SIL1: variants seen among roughly 807,000 people sequenced by gnomAD.
SIL1 encodes the protein SIL1 nucleotide exchange factor.
A neutral mutation model predicts 49.1 loss-of-function variants in SIL1; 40 were observed. The ratio of observed to expected loss-of-function variants is 0.81; its 90% CI spans 0.63 to 1.06. The LOEUF is 1.06. SIL1 is among the 50% of genes least tolerant of loss of function. The pLI is 0.00. For synonymous variants in SIL1, 253 were observed against 250.8 expected (o/e 1.01, Z -0.08); for missense variants, 500 against 572.6 (o/e 0.87, Z 1.29).
intron 3 of SIL1, among the ~76,000 whole-genome samples, chr5:139,104,967 C>CA (rs1770668258): frequency 6.6e-6 from 1 of 152,054 alleles, no homozygotes; most frequent in African/African-American, 2.4e-5. Flanking sequence ...AGAGGAAAAG[C>CA]GGAAGAAATG....
At chr5:139,144,447 G>A (rs1751152868) in intron 1 of SIL1, among the ~76,000 whole-genome samples, 1 of 152,184 alleles carries the variant, frequency 6.6e-6, no homozygotes, top group Non-Finnish European at 1.5e-5. Context: ...TGGTAATGAT[G>A]TAAGGATAAA....
At chr5:139,183,098 C>T (rs1752020937) in intron 1 of SIL1, among the ~76,000 whole-genome samples, 1 of 152,190 alleles carries the variant, frequency 6.6e-6, no homozygotes, top group Admixed American at 6.5e-5. Flanking sequence ...ACTAAGTTTA[C>T]AGGCCTGCAA....
At chr5:139,171,350 G>A (rs1368722475) in intron 1 of SIL1, among the ~76,000 whole-genome samples, 1 of 152,214 alleles carries the variant, frequency 6.6e-6, no homozygotes, top group Non-Finnish European at 1.5e-5. Flanking sequence ...ATTTTGTTCT[G>A]TACTAAGAAA....
chr5:139,163,600 G>A (rs2151811684), intron 1 of SIL1, among the ~76,000 whole-genome samples: 1 of 152,054 alleles, frequency 6.6e-6, no homozygotes, highest in East Asian at 1.9e-4. Context: ...GAACTCCTGG[G>A]CTCAAGTGAT....
chr5:138,947,564 C>T lies in SIL1; in HGVS notation c.1030-91G>A. 8.5e-7 allele frequency: 1 copy of T among 1,173,428 alleles called. No homozygotes were observed. Among genetic ancestry groups the T allele is most frequent in the Non-Finnish European group, 1.3e-6 (1 of 782,124 alleles). 72.7% of individuals were successfully genotyped at this position (1,173,428 alleles called of 1,614,324 possible). ...TAGCTCACACCTGGCTAGCTCTGCC[C>T]TTCAGACAGGAAGGCACGAGGCTGA... On this transcript the variant is annotated intron_variant, in intron 9 of 9. Coordinates refer to ENST00000394817, the MANE Select transcript of SIL1 (RefSeq NM_022464.5). This position sits in a 1 kb window ranked among gnomAD's most constrained non-coding sequence, Gnocchi z 4.1.
chr5:139,174,449 C>T (rs971521608), intron 1 of SIL1, among the ~76,000 whole-genome samples: 3 of 152,012 alleles, frequency 2.0e-5, no homozygotes, highest in African/African-American at 7.2e-5. Flanking sequence ...CCACCAAACT[C>T]CAGCCTGGGC....
chr5:139,108,956 T>C (rs1770786172), intron 3 of SIL1, among the ~76,000 whole-genome samples: 1 of 151,758 alleles, frequency 6.6e-6, no homozygotes, highest in Non-Finnish European at 1.5e-5. Flanking sequence ...GAACCAAGAC[T>C]TTCATTGATA....
intron 3 of SIL1, among the ~76,000 whole-genome samples, chr5:139,084,195 A>G (rs1390227499): frequency 6.6e-6 from 1 of 151,824 alleles, no homozygotes; most frequent in East Asian, 1.9e-4. Context: ...GGGACTGTAA[A>G]CTAGTTCAAC....
At chr5:138,996,261 G>A (rs1371600657) in intron 7 of SIL1, among the ~76,000 whole-genome samples, 1 of 152,072 alleles carries the variant, frequency 6.6e-6, no homozygotes, top group Non-Finnish European at 1.5e-5. Context: ...ATTTTAATTT[G>A]CATTTATCTG....
intron 7 of SIL1, among the ~76,000 whole-genome samples, chr5:139,018,211 T>C (rs1768441157): frequency 6.6e-6 from 1 of 152,160 alleles, no homozygotes; most frequent in East Asian, 1.9e-4. Flanking sequence ...CACCAGGAAA[T>C]AGATCTCTTC....
chr5:139,093,854 A>G (rs952154445), intron 3 of SIL1: 5 of 152,202 alleles, frequency 3.3e-5, no homozygotes, highest in African/African-American at 1.2e-4. Context: ...CTCCACATCA[A>G]AAAGTCCCAT....
At chr5:139,121,654 G>A (rs1660333016) in intron 2 of SIL1, among the ~76,000 whole-genome samples, 1 of 152,178 alleles carries the variant, frequency 6.6e-6, no homozygotes, top group African/African-American at 2.4e-5. Context: ...TACAAAAGCT[G>A]GCAGCTAAGG....
At position 139,170,552 on chromosome 5, in the gene SIL1, G is replaced by C. The variant is rs866197241; in HGVS notation, c.-11+27717C>G. Among the ~76,000 whole-genome samples the C allele has an allele frequency of 2.7e-5, 4 of 149,652 alleles. No homozygotes were observed. In the South Asian group the frequency reaches 8.6e-4, roughly 32 times the overall value. ...TGGGATGTGAGAAGCACCTCTGCCC[G>C]GCCGCGACCCCGTCTGGGAGGTGAG... On this transcript the variant is annotated intron_variant, in intron 1 of 9. Transcript: ENST00000394817.
At chr5:139,157,988 G>A (rs1343796401) in intron 1 of SIL1, among the ~76,000 whole-genome samples, 1 of 152,112 alleles carries the variant, frequency 6.6e-6, no homozygotes, top group Non-Finnish European at 1.5e-5. Flanking sequence ...TTGTCAAGAA[G>A]GTTCAATCTG....
At chr5:139,160,147 A>T (rs1274524877) in intron 1 of SIL1, among the ~76,000 whole-genome samples, 3 of 49,972 alleles carry the variant, frequency 6.0e-5, no homozygotes, top group African/African-American at 1.5e-4. Context: ...CCACAATCAC[A>T]CACACACACA....
intron 1 of SIL1, among the ~76,000 whole-genome samples, chr5:139,142,175 G>T (rs183951086): frequency 1.3e-5 from 2 of 152,314 alleles, no homozygotes; most frequent in Non-Finnish European, 2.9e-5. Context: ...AAAGGTAGGA[G>T]TTTAACAGGC....
At chr5:138,982,530 A>C (rs1281532410) in intron 7 of SIL1, among the ~76,000 whole-genome samples, 1 of 152,226 alleles carries the variant, frequency 6.6e-6, no homozygotes, top group African/African-American at 2.4e-5. Flanking sequence ...TTTTTCTTCC[A>C]AAACAATCAG....
intron 1 of SIL1, among the ~76,000 whole-genome samples, chr5:139,171,164 G>A (rs1214815444): frequency 6.6e-6 from 1 of 152,208 alleles, no homozygotes; most frequent in East Asian, 1.9e-4. Flanking sequence ...GATGTGAGGA[G>A]CCCCTCTGCC....
intron 7 of SIL1, among the ~76,000 whole-genome samples, chr5:138,955,462 A>G (rs1766882138): frequency 6.6e-6 from 1 of 152,204 alleles, no homozygotes. Context: ...TGCATTTGCA[A>G]AAACCAAAGA....
Sources: allele counts gnomAD v4.1 joint callset (sites outside exome capture counted in the v4.1 genomes callset), GRCh38; gene constraint gnomAD v4.1.1; non-coding constraint Gnocchi (gnomAD v3.1); transcripts MANE v1.5; gene names NCBI Gene and HGNC (gene_info 2026-07-23, HGNC 2026-07-21).